The following PIK3R3 variants were observed in gnomAD, a reference collection of about 807,000 sequenced individuals.
The protein encoded by PIK3R3 is phosphoinositide-3-kinase regulatory subunit 3, also known as phosphatidylinositol 3-kinase regulatory subunit gamma.
In PIK3R3, 64 loss-of-function variants were observed where a neutral mutation model predicts 62.9. That is an observed-to-expected ratio of 1.02 (90% confidence interval 0.83 to 1.25). The LOEUF (loss-of-function observed/expected upper bound fraction) is 1.25, where lower values mean the gene tolerates loss of function less well. Ranked by LOEUF, PIK3R3 falls within the 50% of genes most tolerant of loss-of-function variation. The probability of loss-of-function intolerance (pLI) is 0.00; values close to 1 mark genes in which losing one functional copy is unlikely to be tolerated. For synonymous variants in PIK3R3, 165 were observed against 189.0 expected, an observed-to-expected ratio of 0.87 and a Z score of 1.04; for missense variants, 614 against 561.6, an observed-to-expected ratio of 1.09 and a Z score of -0.94.
chr1:46,050,821 G>C lies in PIK3R3; in HGVS notation c.942-4196C>G, dbSNP rs187657007. On this transcript the variant is annotated intron_variant, in intron 7 of 9. Coordinates refer to ENST00000262741, the MANE Select transcript of PIK3R3 (RefSeq NM_003629.4). ...ACAACCCAAATGTCCACCAACTGAT[G>C]ATGATTAAACAAAATGTGGTATAAC... Among the ~76,000 whole-genome samples the C allele has an allele frequency of 5.3e-5, 8 of 152,280 alleles. 1 individual carries two copies. Among genetic ancestry groups the C allele is most frequent in the Admixed American group, 5.2e-4 (8 of 15,292 alleles).
chr1:46,115,254 CT>C, intron 1 of PIK3R3, among the ~76,000 whole-genome samples: 1 of 152,236 alleles, frequency 6.6e-6, no homozygotes, highest in Admixed American at 6.5e-5. Context: ...CCCTCACTCC[CT>C]TTGGTCTTTT....
At chr1:46,109,605 TCCCGAGTAG>T (rs909412663) in intron 1 of PIK3R3, among the ~76,000 whole-genome samples, 2 of 152,056 alleles carry the variant, frequency 1.3e-5, no homozygotes, top group African/African-American at 4.8e-5. Flanking sequence ...TGCCTCAACC[TCCCGAGTAG>T]CTGGGATTAC....
the PIK3R3 span, among the ~76,000 whole-genome samples, chr1:46,144,787 T>C: frequency 7.1e-6 from 1 of 140,494 alleles, no homozygotes; most frequent in South Asian, 2.3e-4. Context: ...AAAAAACGAC[T>C]CAATTCTCCT....
chr1:46,153,580 G>C, the PIK3R3 span, among the ~76,000 whole-genome samples: 1 of 152,298 alleles, frequency 6.6e-6, no homozygotes, highest in African/African-American at 2.4e-5. Flanking sequence ...CTGCTGTCCT[G>C]ATACTACCTG....
intron 1 of PIK3R3, among the ~76,000 whole-genome samples, chr1:46,105,631 G>C (rs886813880): frequency 5.9e-5 from 9 of 152,198 alleles, no homozygotes; most frequent in Non-Finnish European, 1.0e-4. Flanking sequence ...GTCTAGCCTG[G>C]CCAACACAGC....
chr1:46,049,257 A>G (rs1011777312), intron 7 of PIK3R3, among the ~76,000 whole-genome samples: 1 of 152,134 alleles, frequency 6.6e-6, no homozygotes, highest in Non-Finnish European at 1.5e-5. Flanking sequence ...CAAGTAAGGG[A>G]AAAAATATGT....
chr1:46,160,490 T>A, the PIK3R3 span, among the ~76,000 whole-genome samples: 1 of 152,214 alleles, frequency 6.6e-6, no homozygotes. Context: ...ATTTGTTGCC[T>A]CATTAACAGA....
At chr1:46,086,225 T>C (rs986793540) in intron 1 of PIK3R3, among the ~76,000 whole-genome samples, 2 of 152,278 alleles carry the variant, frequency 1.3e-5, no homozygotes, top group South Asian at 4.1e-4. Flanking sequence ...GTGAATACAA[T>C]AGGGATGGGG....
intron 1 of PIK3R3, among the ~76,000 whole-genome samples, chr1:46,126,245 T>C (rs969288624): frequency 1.3e-5 from 2 of 152,042 alleles, no homozygotes; most frequent in African/African-American, 2.4e-5. Context: ...AGAATTTAAA[T>C]GTCTTCTATT....
intron 1 of PIK3R3, among the ~76,000 whole-genome samples, chr1:46,103,619 G>GAGTCTTGC (rs1450864498): frequency 6.6e-6 from 1 of 151,974 alleles, no homozygotes; most frequent in Admixed American, 6.6e-5. Context: ...TTTACAGACA[G>GAGTCTTGC]AGTCTTGCAC....
intron 1 of PIK3R3, among the ~76,000 whole-genome samples, chr1:46,122,234 A>T (rs1279200371): frequency 6.6e-6 from 1 of 152,220 alleles, no homozygotes; most frequent in African/African-American, 2.4e-5. Context: ...ATAAGGCTTG[A>T]TGGCTCACTT....
chr1:46,123,361 A>C (rs1306258356), intron 1 of PIK3R3, among the ~76,000 whole-genome samples: 1 of 152,206 alleles, frequency 6.6e-6, no homozygotes, highest in Non-Finnish European at 1.5e-5. Flanking sequence ...TGAGATAGGA[A>C]TGAGCAATCA....
chr1:46,078,552 T>A (rs1085242), intron 2 of PIK3R3, among the ~76,000 whole-genome samples: 68,683 of 150,818 alleles, frequency 0.46, 15,706 homozygotes, highest in East Asian at 0.61. Context: ...AAAAAAAAAA[T>A]TTTTTTAATA....
At chr1:46,153,448 A>G in the PIK3R3 span, among the ~76,000 whole-genome samples, 2 of 152,178 alleles carry the variant, frequency 1.3e-5, no homozygotes, top group African/African-American at 2.4e-5. Context: ...TGCATCTCCA[A>G]TAGTGACCAC....
intron 3 of PIK3R3, among the ~76,000 whole-genome samples, chr1:46,074,919 T>C (rs1041706612): frequency 6.6e-6 from 1 of 152,234 alleles, no homozygotes; most frequent in Non-Finnish European, 1.5e-5. Flanking sequence ...TGTTTGATTT[T>C]GTGCAATTTC....
chr1:46,078,561 T>C (rs1410284900), intron 2 of PIK3R3, among the ~76,000 whole-genome samples: 1 of 152,088 alleles, frequency 6.6e-6, no homozygotes, highest in Non-Finnish European at 1.5e-5. Context: ...ATTTTTTTAA[T>C]AAAACATATT....
At chr1:46,100,665 G>A (rs1652574971) in intron 1 of PIK3R3, among the ~76,000 whole-genome samples, 1 of 152,148 alleles carries the variant, frequency 6.6e-6, no homozygotes, top group African/African-American at 2.4e-5. Flanking sequence ...TTAAACAGAA[G>A]TGTATTGAAC....
At chr1:46,131,272 A>C (rs1655556751) in intron 1 of PIK3R3, among the ~76,000 whole-genome samples, 1 of 152,220 alleles carries the variant, frequency 6.6e-6, no homozygotes. Context: ...ATGGCTGAAT[A>C]CGAACGCCCA....
At chr1:46,154,403 A>G in the PIK3R3 span, among the ~76,000 whole-genome samples, 2 of 152,078 alleles carry the variant, frequency 1.3e-5, no homozygotes, top group Non-Finnish European at 2.9e-5. Context: ...CCCCAACTCC[A>G]CAAAAAAATA....
Sources: allele counts gnomAD v4.1 joint callset (sites outside exome capture counted in the v4.1 genomes callset), GRCh38; gene constraint gnomAD v4.1.1; transcripts MANE v1.5; gene names NCBI Gene and HGNC (gene_info 2026-07-23, HGNC 2026-07-21).